ZNF236: variants seen among roughly 807,000 people sequenced by gnomAD.
ZNF236 encodes zinc finger protein 236.
Under a neutral mutation model 191.2 loss-of-function variants are expected in ZNF236, and 50 were observed. That is an observed-to-expected ratio of 0.26 (90% CI 0.21 to 0.33). ZNF236 has a LOEUF of 0.33. Among genes scored for constraint, ZNF236 ranks in the 10% least tolerant of loss-of-function variants. The pLI is 1.00. For missense variants in ZNF236, 1,754 were observed against 2,374.5 expected, an observed-to-expected ratio of 0.74 and a Z score of 5.43; for synonymous variants, 907 against 928.8, an observed-to-expected ratio of 0.98 and a Z score of 0.43.
rs1430836551 is a variant in ZNF236 at position 76,880,248 on chromosome 18, T to G, written c.1120T>G (p.Ser374Ala). The stretch of plus-strand genomic sequence containing the variant: ...GCTCTCAGAGCCGGCGCCGGTGGAG[T>G]CGGGGCAGTCCCCGCAGCCTGGGCA... Reference protein sequence around the residue: ...LELSEPAPVESGQSPQPGQQL... With the variant: ...LELSEPAPVEAGQSPQPGQQL... The change falls in exon 8 of 31, where the codon TCG becomes GCG. Residue 374 changes from serine (S) to alanine (A), a missense_variant. Transcript: ENST00000320610. The surrounding 1 kb of genome is among the most constrained non-coding windows in gnomAD (Gnocchi z 5.0). 1.9e-6 allele frequency: 3 copies of G among 1,613,778 alleles called. No homozygotes were observed. The Admixed American group carries it at 5.0e-5, about 27-fold the overall frequency.
rs1476794785 is a variant in ZNF236, at chr18:76,960,307, C to T, written c.5243-372C>T. 3.9e-5 allele frequency among the ~76,000 whole-genome samples: 6 copies of T among 152,246 alleles called. No individual in the cohort carries two copies. Among genetic ancestry groups the T allele is most frequent in the African/African-American group, 1.4e-4 (6 of 41,472 alleles). On this transcript the variant is annotated intron_variant, in intron 29 of 30. Coordinates refer to ENST00000320610, the MANE Select transcript of ZNF236 (RefSeq NM_001306089.2). The surrounding 1 kb of genome is among the most constrained non-coding windows in gnomAD (Gnocchi z 4.4). ...AAACAAGCTCTTCCATCTTCTGCCT[C>T]TTGACTGTACATGATAGCTCGTGTC...
chr18:76,839,470 A>G (rs929044315), intron 1 of ZNF236, among the ~76,000 whole-genome samples: 5 of 152,210 alleles, frequency 3.3e-5, no homozygotes, highest in Non-Finnish European at 4.4e-5. Context: ...CATATTTATT[A>G]TATAACTTGG....
At chr18:76,888,024 TG>T (rs1480533960) in intron 9 of ZNF236, 5 of 148,520 alleles carry the variant, frequency 3.4e-5, no homozygotes, top group Non-Finnish European at 7.4e-5. Flanking sequence ...CTGTTCCCAG[TG>T]TTCTAGTAGG....
chr18:76,942,534 C>T (rs139168358), intron 26 of ZNF236, among the ~76,000 whole-genome samples: 5,865 of 151,116 alleles, frequency 0.039, 168 homozygotes, highest in South Asian at 0.12. Context: ...TTTTTTGAGA[C>T]GGAGTCTCGC....
intron 3 of ZNF236, among the ~76,000 whole-genome samples, chr18:76,861,329 G>C (rs775109162): frequency 1.3e-5 from 2 of 152,170 alleles, no homozygotes; most frequent in Non-Finnish European, 2.9e-5. Flanking sequence ...ATGGTTTACA[G>C]TGAGAACGGG....
chr18:76,916,978 T>G (rs1464888891), intron 19 of ZNF236, among the ~76,000 whole-genome samples: 1 of 152,212 alleles, frequency 6.6e-6, no homozygotes, highest in African/African-American at 2.4e-5. Context: ...GGGTCCCCGG[T>G]GGGTTATGGC....
At chr18:76,945,653 G>A (rs1021509852) in intron 26 of ZNF236, among the ~76,000 whole-genome samples, 12 of 152,156 alleles carry the variant, frequency 7.9e-5, no homozygotes, top group African/African-American at 9.7e-5. Flanking sequence ...CACACGTGGC[G>A]CATGCCTGTA....
At chr18:76,860,066 G>A (rs542465739) in intron 3 of ZNF236, among the ~76,000 whole-genome samples, 69 of 152,290 alleles carry the variant, frequency 4.5e-4, no homozygotes, top group African/African-American at 1.6e-3. Context: ...CCTGGAGGTG[G>A]GGGCTTCTGA....
At chr18:76,943,142 A>AAAAAG (rs1042975454) in intron 26 of ZNF236, among the ~76,000 whole-genome samples, 1 of 149,636 alleles carries the variant, frequency 6.7e-6, no homozygotes, top group African/African-American at 2.5e-5. Flanking sequence ...AAAAAAAAAA[A>AAAAAG]GAAGAGCAAA....
In ZNF236 at chr18:76,965,581, C is replaced by T. The variant is rs201733612; in HGVS notation, c.5420-2634C>T. Among the ~76,000 whole-genome samples the T allele has an allele frequency of 2.0e-5, 3 of 152,324 alleles. No homozygotes were observed. In the East Asian group the frequency reaches 5.8e-4, roughly 29 times the overall value. On this transcript the variant is annotated intron_variant, in intron 30 of 30. Transcript: ENST00000320610. Reference sequence around the variant, plus strand: ...AGATTCTTTGGTCCTACGGGGTTCTCTTGATATAGTACTCCCCGCCTTTTC... The same window carrying T: ...AGATTCTTTGGTCCTACGGGGTTCTTTTGATATAGTACTCCCCGCCTTTTC...
At chr18:76,876,725 G>A (rs750436995) in intron 6 of ZNF236, among the ~76,000 whole-genome samples, 2 of 152,194 alleles carry the variant, frequency 1.3e-5, no homozygotes, top group Non-Finnish European at 2.9e-5. Context: ...GCTGTTGTAA[G>A]TCATTCTTGT....
chr18:76,895,364 G>A lies in ZNF236; in HGVS notation c.1690+79G>A. 2.6e-6 allele frequency: 4 copies of A among 1,553,862 alleles called. No homozygotes were observed. In the South Asian group the frequency reaches 3.5e-5, roughly 14 times the overall value. On this transcript the variant is annotated intron_variant, in intron 10 of 30. Transcript: ENST00000320610. ...TTACTGCGCACATATACCAAACACA[G>A]GTATGGCACACAGTAGGCACACAGG...
chr18:76,904,646 C>A, intron 12 of ZNF236, 125 bp downstream of exon 12: 1 of 759,488 alleles, frequency 1.3e-6, no homozygotes, highest in Non-Finnish European at 1.9e-6. Context: ...CATTTGACTC[C>A]AAAACATTTA....
intron 2 of ZNF236, 148 bp from the exon 3 acceptor site, chr18:76,851,627 G>A: frequency 2.5e-6 from 2 of 791,994 alleles, no homozygotes; most frequent in Non-Finnish European, 3.8e-6. Context: ...GTTTATTTTG[G>A]ATTTATTGAC....
At chr18:76,958,940 G>A (rs1304284804) in intron 28 of ZNF236, among the ~76,000 whole-genome samples, 1 of 152,232 alleles carries the variant, frequency 6.6e-6, no homozygotes, top group African/African-American at 2.4e-5. Flanking sequence ...CAGGGTAGAG[G>A]TTAGCTCTAA....
intron 28 of ZNF236, among the ~76,000 whole-genome samples, chr18:76,956,864 G>A (rs943364767): frequency 4.6e-5 from 7 of 152,196 alleles, no homozygotes; most frequent in African/African-American, 1.4e-4. Flanking sequence ...ACAGAGGAGC[G>A]TGCAGCACGG....
At chr18:76,948,124 T>G (rs1006079895) in intron 27 of ZNF236, among the ~76,000 whole-genome samples, 7 of 152,152 alleles carry the variant, frequency 4.6e-5, no homozygotes, top group Non-Finnish European at 4.4e-5. Context: ...TCTTTTTTCT[T>G]AAAATACATG....
intron 3 of ZNF236, among the ~76,000 whole-genome samples, chr18:76,860,141 T>C (rs954732747): frequency 1.3e-5 from 2 of 152,136 alleles, no homozygotes; most frequent in African/African-American, 4.8e-5. Context: ...AGCTGAAATG[T>C]TGAGCCGTGT....
intron 3 of ZNF236, among the ~76,000 whole-genome samples, chr18:76,862,133 G>A (rs1255301215): frequency 6.6e-6 from 1 of 152,138 alleles, no homozygotes; most frequent in African/African-American, 2.4e-5. Flanking sequence ...AAAATGCTGG[G>A]ATTACAGGCG....
Sources: gnomAD v4.1 joint callset for allele counts (sites outside exome capture counted in the v4.1 genomes callset) on GRCh38, gnomAD v4.1.1 for gene constraint, Gnocchi (gnomAD v3.1) non-coding constraint, MANE v1.5 for transcripts, NCBI Gene and HGNC (gene_info 2026-07-23, HGNC 2026-07-21) for gene names.